NFATC4: variants seen among roughly 807,000 people sequenced by gnomAD.
NFATC4 encodes nuclear factor of activated T cells 4.
Under a neutral mutation model 73.4 loss-of-function variants are expected in NFATC4, and 25 were observed. The observed-to-expected ratio is 0.34, with a 90% CI of 0.25 to 0.48. The LOEUF is 0.48. Ranked by LOEUF, NFATC4 falls within the 20% of genes least tolerant of loss-of-function variation. NFATC4 has a pLI of 0.99. For synonymous variants in NFATC4, 523 were observed against 510.3 expected (o/e 1.02, Z -0.34); for missense variants, 1,130 against 1,203.7 (o/e 0.94, Z 0.91).
In NFATC4 at chr14:24,373,652, T is replaced by C; in HGVS notation, c.1560-43T>C. 6.4e-7 allele frequency: 1 copy of C among 1,572,416 alleles called. No homozygotes were observed. Among genetic ancestry groups the C allele is most frequent in the Non-Finnish European group, 8.6e-7 (1 of 1,158,028 alleles). On this transcript the variant is annotated intron_variant, in intron 4 of 9. Coordinates refer to ENST00000250373, the MANE Select transcript of NFATC4 (RefSeq NM_004554.5). This position sits in a 1 kb window ranked among gnomAD's most constrained non-coding sequence, Gnocchi z 4.7. ...CCTCTTTAGGGATGTATCACCATTT[T>C]GGCTTCAGCTAGGAGGGCTTGCCAT...
upstream of NFATC4, chr14:24,367,074 C>G (rs2139265689): frequency 6.2e-7 from 1 of 1,613,938 alleles, no homozygotes; most frequent in Non-Finnish European, 8.5e-7. Context: ...ACCCTCCCAT[C>G]TCTCCTACCC....
chr14:24,370,489 C>T lies in NFATC4; in HGVS notation c.1091C>T (p.Pro364Leu), dbSNP rs1216036332. 5 of 1,614,074 alleles carry T rather than the reference C, an allele frequency of 3.1e-6. No homozygotes were observed. Among genetic ancestry groups the T allele is most frequent in the Non-Finnish European group, 4.2e-6 (5 of 1,180,038 alleles). Residue 364 changes from proline to leucine, a missense_variant, in exon 2 of 10, where the codon CCT (proline) becomes CTT (leucine). Around this residue, in one of 3 missense-constraint regions of NFATC4, gnomAD observed 585 missense variants for 574.3 expected, o/e 1.02. Coordinates refer to ENST00000250373, the MANE Select transcript of NFATC4 (RefSeq NM_004554.5). Reference sequence around the variant, plus strand: ...TTGGGAGCAGAGGAGTCTGTGGCTCCTCCAGGAGGTTCCCGGAAGGAGGTG... The same window carrying T: ...TTGGGAGCAGAGGAGTCTGTGGCTCTTCCAGGAGGTTCCCGGAAGGAGGTG... ...LPLGAEESVAPPGGSRKEVAG... is the reference protein window; with the variant it reads ...LPLGAEESVALPGGSRKEVAG...
Position 24,373,747 on chromosome 14 carries a change from A to G in NFATC4, c.1612A>G (p.Lys538Glu), listed in dbSNP as rs1566467886. ...KLRNSDIELRKGETDIGRKNT... is the reference protein window; with the variant it reads ...KLRNSDIELREGETDIGRKNT... ...TCGGAATTCAGACATTGAGCTTCGGAAGGGTGAGACGGACATCGGGCGCAA... is the reference window on the plus strand; with the variant it reads ...TCGGAATTCAGACATTGAGCTTCGGGAGGGTGAGACGGACATCGGGCGCAA... Residue 538 changes from lysine to glutamate, a missense_variant, in exon 5 of 10, where the codon AAG (lysine) becomes GAG (glutamate). By Grantham distance (56) the Lys-to-Glu change is moderately conservative. This residue lies in a region of NFATC4 where 155 missense variants were observed against 221.2 expected (regional missense o/e 0.70). Coordinates refer to ENST00000250373, the MANE Select transcript of NFATC4 (RefSeq NM_004554.5). The surrounding 1 kb of genome is among the most constrained non-coding windows in gnomAD (Gnocchi z 4.7). 2 of 1,613,768 alleles carry G rather than the reference A, an allele frequency of 1.2e-6. No individual in the cohort carries two copies. The highest frequency in any genetic ancestry group is 2.7e-5 in the African/African-American group (2 of 75,038).
Position 24,373,620 on chromosome 14 carries a change from G to A in NFATC4, c.1560-75G>A, listed in dbSNP as rs906377527. ...ATTCAAGGCTTTGGATGGAGGGCGG[G>A]AACTTCCCTCTTTAGGGATGTATCA... On this transcript the variant is annotated intron_variant, in intron 4 of 9. Transcript: ENST00000250373. The surrounding 1 kb of genome is among the most constrained non-coding windows in gnomAD (Gnocchi z 4.7). 2 of 1,544,562 alleles carry A rather than the reference G, an allele frequency of 1.3e-6. No homozygotes were observed. Among genetic ancestry groups the A allele is most frequent in the African/African-American group, 2.7e-5 (2 of 73,090 alleles).
In NFATC4 at chr14:24,372,899, G is replaced by A. The variant is rs1033286228; in HGVS notation, c.1360-272G>A. 2.5e-5 allele frequency: 15 copies of A among 596,938 alleles called. No individual in the cohort carries two copies. In the Admixed American group the frequency reaches 4.2e-4, roughly 17 times the overall value. The allele number at this position is 596,938 out of a possible 1,614,324, so 37.0% of individuals were successfully genotyped here. On this transcript the variant is annotated intron_variant, in intron 3 of 9. Coordinates refer to ENST00000250373, the MANE Select transcript of NFATC4 (RefSeq NM_004554.5). ...TTAGGCTGAGGACAAAAGTCACTGG[G>A]AGTTAAGTTTTCTCTGTATTGAGTT... is the stretch of plus-strand genomic sequence containing the variant.
At position 24,377,028 on chromosome 14, in the gene NFATC4, C is replaced by T; in HGVS notation, c.2641+150C>T. 3 of 1,389,082 alleles carry T rather than the reference C, an allele frequency of 2.2e-6. No individual in the cohort carries two copies. The highest frequency in any genetic ancestry group is 2.8e-6 in the Non-Finnish European group (3 of 1,077,562). 86.0% of individuals were successfully genotyped at this position (1,389,082 alleles called of 1,614,324 possible). A position where few individuals can be genotyped will look rare whatever the true frequency, so the allele number is the denominator to read the frequency against. ...GTTCCCAGGAGGCATGTTCTTGATG[C>T]CTGTGGCTGCCTGAATCCAATTAAC... On this transcript the variant is annotated intron_variant, in intron 9 of 9. Transcript: ENST00000250373. This position sits in a 1 kb window ranked among gnomAD's most constrained non-coding sequence, Gnocchi z 4.2.
In NFATC4 at chr14:24,369,488, C is replaced by T; in HGVS notation, c.101-11C>T. 6.2e-7 allele frequency: 1 copy of T among 1,612,602 alleles called. No individual in the cohort carries two copies. The highest frequency in any genetic ancestry group is 8.5e-7 in the Non-Finnish European group (1 of 1,179,296). On this transcript the variant is annotated splice_polypyrimidine_tract_variant and intron_variant, in intron 1 of 9. Transcript: ENST00000250373. ...CCCCCTCTCCCTCTGCTCCTCTTCCCATTTTGACAGAACTGGACTCAGAGG... is the reference window on the plus strand; with the variant it reads ...CCCCCTCTCCCTCTGCTCCTCTTCCTATTTTGACAGAACTGGACTCAGAGG...
rs2042609045 is a variant in NFATC4, at chr14:24,376,181, A to G, written c.2056+80A>G. 5.0e-6 allele frequency: 8 copies of G among 1,600,958 alleles called. No homozygotes were observed. In the South Asian group the frequency reaches 9.0e-5, roughly 18 times the overall value. ...GGAGCAGAGGGAAGCAGTACTCATC[A>G]TGAGGGGCCAAGGGGTGAATGGAAC... On this transcript the variant is annotated intron_variant, in intron 8 of 9. Coordinates refer to ENST00000250373, the MANE Select transcript of NFATC4 (RefSeq NM_004554.5). The surrounding 1 kb of genome is among the most constrained non-coding windows in gnomAD (Gnocchi z 5.0).
intron 1 of NFATC4, chr14:24,368,908 G>C (rs1434428910): frequency 6.1e-6 from 2 of 325,380 alleles, no homozygotes; most frequent in South Asian, 1.1e-4. Context: ...GGACCGAGCC[G>C]GGGGCGGCGG....
At position 24,377,498 on chromosome 14, in the gene NFATC4, C is replaced by A; in HGVS notation, c.2642-140C>A. ...TCAAGACGTGTTGGGGAAACTGAGG[C>A]CCAGTGGAATAGAAGCCAGTAGAGG... is the stretch of plus-strand genomic sequence containing the variant. On this transcript the variant is annotated intron_variant, in intron 9 of 9. Coordinates refer to ENST00000250373, the MANE Select transcript of NFATC4 (RefSeq NM_004554.5). This position sits in a 1 kb window ranked among gnomAD's most constrained non-coding sequence, Gnocchi z 4.2. 1.4e-6 allele frequency: 2 copies of A among 1,474,912 alleles called. No individual in the cohort carries two copies. The highest frequency in any genetic ancestry group is 1.8e-6 in the Non-Finnish European group (2 of 1,115,904). 91.4% of individuals were successfully genotyped at this position (1,474,912 alleles called of 1,614,324 possible). A position where few individuals can be genotyped will look rare whatever the true frequency, so the allele number is the denominator to read the frequency against.
chr14:24,376,323 T>A lies in NFATC4; in HGVS notation c.2086T>A (p.Ser696Thr), dbSNP rs2042614299. The part of the protein sequence containing the change: ...VICKEEPLPD[S>T]SLRGFPSASA... ...CTGCAAAGAGGAGCCCCTACCGGACTCATCTCTGCGGGGTTTCCCTTCAGC... is the reference window on the plus strand; with the variant it reads ...CTGCAAAGAGGAGCCCCTACCGGACACATCTCTGCGGGGTTTCCCTTCAGC... The change falls in exon 9 of 10, where the codon TCA (serine) becomes ACA (threonine). Residue 696 changes from serine (S) to threonine (T), a missense_variant. Coordinates refer to ENST00000250373, the MANE Select transcript of NFATC4 (RefSeq NM_004554.5). The surrounding 1 kb of genome is among the most constrained non-coding windows in gnomAD (Gnocchi z 5.0). The A allele has an allele frequency of 6.3e-7, 1 of 1,592,476 alleles. No individual in the cohort carries two copies. Among genetic ancestry groups the A allele is most frequent in the Non-Finnish European group, 8.6e-7 (1 of 1,169,528 alleles).
rs748076333 is a variant in NFATC4, at chr14:24,372,480, C to T, written c.1236C>T (p.Ser412=). The change falls in exon 3 of 10, where the codon AGC becomes AGT. Residue 412 remains serine (S), a synonymous_variant. Transcript: ENST00000250373. The part of the protein sequence containing the change: ...ALPPLDWPLP[S]QYEQLELRIE... ...CCCCACTGGACTGGCCTCTGCCCAG[C>T]CAATATGAGCAGCTGGAGCTGAGGA... 6.2e-7 allele frequency: 1 copy of T among 1,614,000 alleles called. No individual in the cohort carries two copies. Among genetic ancestry groups the T allele is most frequent in the South Asian group, 1.1e-5 (1 of 91,086 alleles).
chr14:24,376,296 A>G lies in NFATC4; in HGVS notation c.2059A>G (p.Ile687Val). ...PTQSFRFLPVICKEEPLPDSS... is the reference protein window; with the variant it reads ...PTQSFRFLPVVCKEEPLPDSS... ...CCTCCCACTTCCTGTCTTCCCAGTG[A>G]TCTGCAAAGAGGAGCCCCTACCGGA... Residue 687 changes from isoleucine to valine, a missense_variant and splice_region_variant, in exon 9 of 10, where the codon ATC becomes GTC. Around this residue, in one of 3 missense-constraint regions of NFATC4, gnomAD observed 390 missense variants for 408.1 expected, o/e 0.96. Transcript: ENST00000250373. This position sits in a 1 kb window ranked among gnomAD's most constrained non-coding sequence, Gnocchi z 5.0. The G allele has an allele frequency of 6.4e-7, 1 of 1,567,408 alleles. No homozygotes were observed. Among genetic ancestry groups the G allele is most frequent in the Admixed American group, 1.8e-5 (1 of 54,496 alleles).
chr14:24,369,525 T>C lies in NFATC4; in HGVS notation c.127T>C (p.Cys43Arg). 6.2e-7 allele frequency: 1 copy of C among 1,610,336 alleles called. No homozygotes were observed. The highest frequency in any genetic ancestry group is 8.5e-7 in the Non-Finnish European group (1 of 1,177,430). The change falls in exon 2 of 10, where the codon TGC becomes CGC. Residue 43 changes from cysteine to arginine, a missense_variant. Coordinates refer to ENST00000250373, the MANE Select transcript of NFATC4 (RefSeq NM_004554.5). ...ACTGGACTCAGAGGATGCCCCGCCA[T>C]GCTGCCGTCTGGCCTTGGGAGAGCC... ...EELDSEDAPP[C>R]CRLALGEPPP...
At position 24,376,905 on chromosome 14, in the gene NFATC4, T is replaced by A; in HGVS notation, c.2641+27T>A. ...TGGGTGTGGGACTGGGGGCTGTGAG[T>A]GTGAGTGTGTGCAAGAGATTGCTCT... On this transcript the variant is annotated intron_variant, in intron 9 of 9. Transcript: ENST00000250373. This position sits in a 1 kb window ranked among gnomAD's most constrained non-coding sequence, Gnocchi z 5.0. 1 of 1,515,652 alleles carries A rather than the reference T, an allele frequency of 6.6e-7. No individual in the cohort carries two copies. The highest frequency in any genetic ancestry group is 1.4e-5 in the African/African-American group (1 of 71,390). 93.9% of individuals were successfully genotyped at this position (1,515,652 alleles called of 1,614,324 possible).
rs1566473710 is a variant in NFATC4 at position 24,377,876 on chromosome 14, C to T, written c.*171C>T. On this transcript the variant is annotated 3_prime_UTR_variant, in exon 10 of 10. Transcript: ENST00000250373. This position sits in a 1 kb window ranked among gnomAD's most constrained non-coding sequence, Gnocchi z 4.2. ...TCCCCTCCCCCAGCTGAGGTGTGGC[C>T]CTCAGGCCTGGTGCTGCCTTGGAGG... is the stretch of plus-strand genomic sequence containing the variant. 3 of 1,362,154 alleles carry T rather than the reference C, an allele frequency of 2.2e-6. No individual in the cohort carries two copies. Among genetic ancestry groups the T allele is most frequent in the Non-Finnish European group, 3.0e-6 (3 of 1,016,466 alleles). The allele number at this position is 1,362,154 out of a possible 1,614,324, so 84.4% of individuals were successfully genotyped here. A position where few individuals can be genotyped will look rare whatever the true frequency, so the allele number is the denominator to read the frequency against.
chr14:24,375,759 G>GGGCGCCC, intron 7 of NFATC4, 44 bp downstream of exon 7: 1 of 617,016 alleles, frequency 1.6e-6, no homozygotes, highest in Non-Finnish European at 3.0e-6. Flanking sequence ...GGGGGTGGGA[G>GGGCGCCC]AAGGCAGGGG....
At position 24,373,156 on chromosome 14, in the gene NFATC4, C is replaced by T; in HGVS notation, c.1360-15C>T. 1 of 1,612,492 alleles carries T rather than the reference C, an allele frequency of 6.2e-7. No individual in the cohort carries two copies. Among genetic ancestry groups the T allele is most frequent in the Non-Finnish European group, 8.5e-7 (1 of 1,178,694 alleles). On this transcript the variant is annotated splice_polypyrimidine_tract_variant and intron_variant, in intron 3 of 9. Transcript: ENST00000250373. This position sits in a 1 kb window ranked among gnomAD's most constrained non-coding sequence, Gnocchi z 4.7. ...TGGGGATTTCAATGAGGTGGCCGCT[C>T]TCTCCCTCTGCCAGCTCCTAGGCTA...
chr14:24,370,042 TGCCCTCGCCCCGGGCCTCCCCTCG>T lies in NFATC4; in HGVS notation c.648_671del (p.Ser217_Pro224del), dbSNP rs2042427846. 1 of 1,609,962 alleles carries T rather than the reference TGCCCTCGCCCCGGGCCTCCCCTCG, an allele frequency of 6.2e-7. No homozygotes were observed. The highest frequency in any genetic ancestry group is 1.3e-5 in the African/African-American group (1 of 74,890). ...TCCCGCTTTGGCCTGGGCTCCCCGC[TGCCCTCGCCCCGGGCCTCCCCTCG>T]GCCATGGACCCCCGAAGATCCCTGG... On this transcript the variant is annotated inframe_deletion, in exon 2 of 10. Transcript: ENST00000250373.
Sources: gnomAD v4.1 joint callset for allele counts on GRCh38, gnomAD v4.1.1 for gene constraint, gnomAD v4.1.1 regional missense constraint, Gnocchi (gnomAD v3.1) non-coding constraint, MANE v1.5 for transcripts, NCBI Gene and HGNC (gene_info 2026-07-23, HGNC 2026-07-21) for gene names.